The following NPHP4 variants were observed in gnomAD, a reference collection of about 807,000 sequenced individuals.
NPHP4 encodes nephrocystin-4.
Under a neutral mutation model 155.8 loss-of-function variants are expected in NPHP4, and 151 were observed. The observed-to-expected ratio is 0.97, with a 90% confidence interval of 0.85 to 1.11. NPHP4 has a LOEUF of 1.11. Among genes scored for constraint, NPHP4 ranks in the 50% least tolerant of loss-of-function variants. The pLI is 0.00. For missense variants in NPHP4, 1,956 were observed against 1,925.7 expected, an observed-to-expected ratio of 1.02 and a Z score of -0.29; for synonymous variants, 845 against 816.8, an observed-to-expected ratio of 1.03 and a Z score of -0.59.
chr1:5,954,655 G>A (rs34188627), intron 6 of NPHP4, among the ~76,000 whole-genome samples: 27,542 of 152,162 alleles, frequency 0.18, 2,562 homozygotes, highest in African/African-American at 0.22. Context: ...GCAGAAGAAT[G>A]AGATGAGACG....
In NPHP4 at chr1:5,873,173, G is replaced by A. The variant is rs917705087; in HGVS notation, c.3315+79C>T. The A allele has an allele frequency of 2.5e-5, 32 of 1,265,986 alleles. 1 individual carries two copies. The Middle Eastern group carries it at 7.4e-4, about 29-fold the overall frequency. The allele number at this position is 1,265,986 out of a possible 1,614,324, so 78.4% of individuals were successfully genotyped here. On this transcript the variant is annotated intron_variant, in intron 23 of 29. Transcript: ENST00000378156. Reference sequence around the variant, plus strand: ...GGCCCCAGCCCTCCCCTCCAGGAGGGGAGAGAAGGACACAAGGGTCAGGCC... The same window carrying A: ...GGCCCCAGCCCTCCCCTCCAGGAGGAGAGAGAAGGACACAAGGGTCAGGCC...
At chr1:5,936,326 C>A (rs1451921532) in intron 9 of NPHP4, among the ~76,000 whole-genome samples, 1 of 152,210 alleles carries the variant, frequency 6.6e-6, no homozygotes, top group African/African-American at 2.4e-5. Context: ...TTGCTCACTG[C>A]CAGCCCACAG....
At chr1:5,903,908 T>G (rs1570354737) in intron 16 of NPHP4, among the ~76,000 whole-genome samples, 1 of 151,912 alleles carries the variant, frequency 6.6e-6, no homozygotes, top group Admixed American at 6.6e-5. Flanking sequence ...GCAGCGGAGG[T>G]GCAGGAGGTG....
intron 8 of NPHP4, 33 bp downstream of exon 8, chr1:5,948,037 C>A: frequency 6.4e-7 from 1 of 1,563,034 alleles, no homozygotes; most frequent in Non-Finnish European, 8.8e-7. Context: ...CTTGCACATC[C>A]CCACCCATCC....
chr1:5,897,308 C>T (rs996152942), intron 16 of NPHP4, among the ~76,000 whole-genome samples: 1 of 152,116 alleles, frequency 6.6e-6, no homozygotes. Context: ...CAAAAAATGT[C>T]GCCAAGAATT....
chr1:5,867,765 G>A lies in NPHP4; in HGVS notation c.3447C>T (p.Arg1149=). 1 of 1,611,396 alleles carries A rather than the reference G, an allele frequency of 6.2e-7. No individual in the cohort carries two copies. Among genetic ancestry groups the A allele is most frequent in the Non-Finnish European group, 8.5e-7 (1 of 1,179,868 alleles). ...PELSFLKKAI[R]LPPWHTFPGA... ...CTGGAAATGTGTGCCAGGGCGGCAG[G>A]CGGATGGCCTTCTTCAGGAAGGAGA... Residue 1149 remains arginine (R), a synonymous_variant, in exon 24 of 30, where the codon CGC becomes CGT. Transcript: ENST00000378156. The surrounding 1 kb of genome is among the most constrained non-coding windows in gnomAD (Gnocchi z 4.1).
intron 9 of NPHP4, among the ~76,000 whole-genome samples, chr1:5,940,569 G>T (rs1317327293): frequency 6.6e-6 from 1 of 152,068 alleles, no homozygotes; most frequent in African/African-American, 2.4e-5. Context: ...ACAGCATGCG[G>T]TATATAATAA....
chr1:5,978,295 G>A lies in NPHP4; in HGVS notation c.254C>T (p.Pro85Leu), dbSNP rs200272048. 5.2e-5 allele frequency: 84 copies of A among 1,608,170 alleles called. No homozygotes were observed. The highest frequency in any genetic ancestry group is 4.1e-4 in the Admixed American group (24 of 59,196). The change falls in exon 3 of 30, where the codon CCG becomes CTG. Residue 85 changes from proline (P) to leucine (L), a missense_variant. By Grantham distance (98) the Pro-to-Leu change is moderately conservative (BLOSUM62 -3). Coordinates refer to ENST00000378156, the MANE Select transcript of NPHP4 (RefSeq NM_015102.5). Reference sequence around the variant, plus strand: ...CTCATTAAAGACGATCCTGGACGGCGGTCTCTTCGTCGGCTTCACTGTGGT... The same window carrying A: ...CTCATTAAAGACGATCCTGGACGGCAGTCTCTTCGTCGGCTTCACTGTGGT... ...WKTTVKPTKR[P>L]PSRIVFNEPL... is the part of the protein sequence containing the mutation.
chr1:5,903,135 T>C (rs548063221), intron 16 of NPHP4, among the ~76,000 whole-genome samples: 3 of 152,242 alleles, frequency 2.0e-5, no homozygotes, highest in African/African-American at 4.8e-5. Context: ...TTTTATAATA[T>C]CCTTATTAAC....
At chr1:5,916,402 C>A (rs938968038) in intron 11 of NPHP4, among the ~76,000 whole-genome samples, 1 of 152,186 alleles carries the variant, frequency 6.6e-6, no homozygotes, top group African/African-American at 2.4e-5. Context: ...ATTTAAAAGT[C>A]TCTTACATTG....
rs369529384 is a variant in NPHP4 at position 5,874,886 on chromosome 1, T to C, written c.3032A>G (p.Asn1011Ser). ...ACTGAGACCTCACCTGAGCTCGGGG[T>C]TGTCGATCTCCACAGTCACCGTGTG... ...TQHTVTVEID[N>S]PELSVIVDSQ... Residue 1011 changes from asparagine (N) to serine (S), a missense_variant, in exon 21 of 30, where the codon AAC becomes AGC. By Grantham distance (46) the Asn-to-Ser change is conservative. Coordinates refer to ENST00000378156, the MANE Select transcript of NPHP4 (RefSeq NM_015102.5). 1.9e-5 allele frequency: 31 copies of C among 1,611,304 alleles called. No individual in the cohort carries two copies. The highest frequency in any genetic ancestry group is 1.4e-5 in the African/African-American group (1 of 73,980).
chr1:5,902,392 C>A (rs1448341247), intron 16 of NPHP4, among the ~76,000 whole-genome samples: 1 of 151,418 alleles, frequency 6.6e-6, no homozygotes, highest in Non-Finnish European at 1.5e-5. Context: ...GGCTCTCAGA[C>A]CAACCAAGTC....
chr1:5,965,242 ACTTTTGGATT>A (rs1426340939), intron 5 of NPHP4, among the ~76,000 whole-genome samples: 1 of 151,680 alleles, frequency 6.6e-6, no homozygotes, highest in African/African-American at 2.4e-5. Context: ...ACTTTTTTAT[ACTTTTGGATT>A]CTGAATCATG....
rs186084397 is a variant in NPHP4, at chr1:5,935,785, G to A, written c.1120-2456C>T. On this transcript the variant is annotated intron_variant, in intron 9 of 29. Coordinates refer to ENST00000378156, the MANE Select transcript of NPHP4 (RefSeq NM_015102.5). ...AGCTACTCGGGAGGCTGAGGCAGGA[G>A]AATCGCTTGAACCTAGAAGGTGGAG... Among the ~76,000 whole-genome samples, 1,264 of 152,296 alleles carry A rather than the reference G, an allele frequency of 8.3e-3. 65 individuals are homozygous for A. Among genetic ancestry groups the A allele is most frequent in the Admixed American group, 0.072 (1,095 of 15,294 alleles).
At chr1:5,864,147 G>T in intron 28 of NPHP4, 114 bp from the exon 29 acceptor site, 2 of 1,273,080 alleles carry the variant, frequency 1.6e-6, no homozygotes, top group Non-Finnish European at 1.1e-6. Flanking sequence ...CCCCCACAGA[G>T]ATAAGACAGA....
At chr1:5,987,194 T>C (rs1425958436) in intron 1 of NPHP4, among the ~76,000 whole-genome samples, 1 of 152,052 alleles carries the variant, frequency 6.6e-6, no homozygotes, top group Non-Finnish European at 1.5e-5. Context: ...TTGGCCCGTT[T>C]TGAGTGTTAT....
Position 5,969,213 on chromosome 1 carries a change from A to G in NPHP4, c.326T>C (p.Val109Ala). The change falls in exon 4 of 30, where the codon GTG becomes GCG. Residue 109 changes from valine (V) to alanine (A), a missense_variant. By Grantham distance (64) the Val-to-Ala change is moderately conservative. Transcript: ENST00000378156. ...CTTGCCCTCAGCGACCACTTCCACC[A>G]CAGCCACGATATGAGGGTGGTTTAG... is the stretch of plus-strand genomic sequence containing the variant. Reference protein sequence around the residue: ...TSLNHPHIVAVVEVVAEGKKR... With the variant: ...TSLNHPHIVAAVEVVAEGKKR... The G allele has an allele frequency of 1.3e-6, 2 of 1,584,254 alleles. No individual in the cohort carries two copies. Among genetic ancestry groups the G allele is most frequent in the Middle Eastern group, 1.7e-4 (1 of 5,988 alleles).
intron 9 of NPHP4, among the ~76,000 whole-genome samples, chr1:5,935,389 C>G (rs904871754): frequency 2.0e-5 from 3 of 152,146 alleles, no homozygotes; most frequent in African/African-American, 7.2e-5. Flanking sequence ...ACACCCACAC[C>G]ATGGAAGGAC....
rs535637702 is a variant in NPHP4, at chr1:5,885,140, A to C, written c.2485+2146T>G. ...TACTCCACAACCAAGATCACTGCCCAAGCTCCCAGCCGAACCCCCATCCTA... is the reference window on the plus strand; with the variant it reads ...TACTCCACAACCAAGATCACTGCCCCAGCTCCCAGCCGAACCCCCATCCTA... On this transcript the variant is annotated intron_variant, in intron 18 of 29. Coordinates refer to ENST00000378156, the MANE Select transcript of NPHP4 (RefSeq NM_015102.5). Among the ~76,000 whole-genome samples, 21 of 146,428 alleles carry C rather than the reference A, an allele frequency of 1.4e-4. 1 individual carries two copies. The highest frequency in any genetic ancestry group is 3.0e-4 in the Non-Finnish European group (20 of 67,142).
Sources: gnomAD v4.1 joint callset for allele counts (sites outside exome capture counted in the v4.1 genomes callset) on GRCh38, gnomAD v4.1.1 for gene constraint, Gnocchi (gnomAD v3.1) non-coding constraint, MANE v1.5 for transcripts, NCBI Gene and HGNC (gene_info 2026-07-23, HGNC 2026-07-21) for gene names.